AK9: variants seen among roughly 807,000 people sequenced by gnomAD.
AK9 encodes the protein adenylate kinase domain containing 1.
Under a neutral mutation model 239.6 loss-of-function variants are expected in AK9, and 191 were observed. The observed-to-expected ratio is 0.80, with a 90% CI of 0.71 to 0.90. AK9 has a LOEUF of 0.90. Ranked by LOEUF, AK9 falls within the 40% of genes least tolerant of loss-of-function variation. The pLI is 0.00. For missense variants in AK9, 1,995 were observed against 2,214.7 expected, an observed-to-expected ratio of 0.90 and a Z score of 1.99; for synonymous variants, 689 against 721.0, an observed-to-expected ratio of 0.96 and a Z score of 0.71.
chr6:109,539,082 C>T (rs914706092), intron 27 of AK9, among the ~76,000 whole-genome samples: 2 of 152,070 alleles, frequency 1.3e-5, no homozygotes, highest in South Asian at 4.1e-4. Flanking sequence ...AATTATGTGT[C>T]TTGGAGTTGC....
chr6:109,597,647 T>C (rs2128225029), intron 17 of AK9, among the ~76,000 whole-genome samples: 1 of 151,292 alleles, frequency 6.6e-6, no homozygotes, highest in South Asian at 2.1e-4. Flanking sequence ...CATTCCAGCC[T>C]GGGGGACAGA....
chr6:109,537,283 C>A (rs1409199938), intron 27 of AK9, among the ~76,000 whole-genome samples: 8 of 152,000 alleles, frequency 5.3e-5, no homozygotes, highest in African/African-American at 1.9e-4. Context: ...AATTTCAGAG[C>A]CTGTTATTGG....
chr6:109,602,926 G>A (rs781225551), intron 17 of AK9, among the ~76,000 whole-genome samples: 2 of 152,094 alleles, frequency 1.3e-5, no homozygotes, highest in Non-Finnish European at 2.9e-5. Flanking sequence ...GCTCCATCAG[G>A]TCCTCTAAGG....
chr6:109,608,585 A>G (rs1793206429), intron 17 of AK9, among the ~76,000 whole-genome samples: 1 of 152,184 alleles, frequency 6.6e-6, no homozygotes, highest in South Asian at 2.1e-4. Context: ...TTTCAAATGG[A>G]CCTTAGATCC....
chr6:109,545,211 G>C (rs1290004742), intron 26 of AK9, among the ~76,000 whole-genome samples: 1 of 152,124 alleles, frequency 6.6e-6, no homozygotes, highest in African/African-American at 2.4e-5. Flanking sequence ...AGGTCAAGGT[G>C]GGTAAATGGC....
intron 24 of AK9, among the ~76,000 whole-genome samples, chr6:109,557,031 G>A (rs1186616075): frequency 6.6e-6 from 1 of 152,040 alleles, no homozygotes; most frequent in African/African-American, 2.4e-5. Context: ...CCTTGGTGGA[G>A]AAACACTGCA....
At chr6:109,579,768 T>C (rs908679350) in intron 19 of AK9, 142 bp from the exon 20 acceptor site, 2 of 713,340 alleles carry the variant, frequency 2.8e-6, no homozygotes, top group Admixed American at 3.8e-5. Flanking sequence ...AAATTACTCA[T>C]GTTGAGACTA....
At chr6:109,677,628 T>A (rs1338984080) in intron 1 of AK9, among the ~76,000 whole-genome samples, 15 of 152,052 alleles carry the variant, frequency 9.9e-5, no homozygotes, top group Non-Finnish European at 2.9e-5. Flanking sequence ...TTAAAATTGG[T>A]GAATAAAAAA....
At chr6:109,635,526 C>G (rs1796609749) in intron 10 of AK9, among the ~76,000 whole-genome samples, 1 of 152,182 alleles carries the variant, frequency 6.6e-6, no homozygotes, top group African/African-American at 2.4e-5. Context: ...CAGAAGCATA[C>G]TTTCTGGAGC....
At chr6:109,639,954 G>A (rs747589086) in intron 10 of AK9, among the ~76,000 whole-genome samples, 1 of 152,162 alleles carries the variant, frequency 6.6e-6, no homozygotes, top group Non-Finnish European at 1.5e-5. Context: ...AGATCAGATG[G>A]TTGTAGATGT....
Position 109,675,763 on chromosome 6 carries a change from TAAAA to T in AK9, c.-11-11_-11-8del. ...GAAGTCATGACACAAAATACTACAATAAAAAAGGGTAAGATTGTTAACTTGTCTA... is the reference window on the plus strand; with the variant it reads ...GAAGTCATGACACAAAATACTACAATAAGGGTAAGATTGTTAACTTGTCTA... On this transcript the variant is annotated splice_region_variant and splice_polypyrimidine_tract_variant and intron_variant, in intron 1 of 40. Transcript: ENST00000424296. 5 of 1,460,350 alleles carry T rather than the reference TAAAA, an allele frequency of 3.4e-6. No individual in the cohort carries two copies. Among genetic ancestry groups the T allele is most frequent in the Non-Finnish European group, 3.8e-6 (4 of 1,065,438 alleles). The allele number at this position is 1,460,350 out of a possible 1,614,324, so 90.5% of individuals were successfully genotyped here. A position where few individuals can be genotyped will look rare whatever the true frequency, so the allele number is the denominator to read the frequency against.
intron 8 of AK9, among the ~76,000 whole-genome samples, chr6:109,654,598 T>C (rs1799431734): frequency 1.3e-5 from 2 of 152,176 alleles, no homozygotes; most frequent in African/African-American, 4.8e-5. Flanking sequence ...CCCAAAGAGC[T>C]AGGATTACAG....
rs59405869 is a variant in AK9 at position 109,621,893 on chromosome 6, TA to T, written c.1255-2658del. Among the ~76,000 whole-genome samples the T allele has an allele frequency of 5.0e-3, 279 of 55,510 alleles. 2 individuals carry two copies. Among genetic ancestry groups the T allele is most frequent in the African/African-American group, 0.018 (191 of 10,810 alleles). 36.4% of individuals were successfully genotyped at this position (55,510 alleles called of 152,430 possible). A position where few individuals can be genotyped will look rare whatever the true frequency, so the allele number is the denominator to read the frequency against. On this transcript the variant is annotated intron_variant, in intron 12 of 40. Coordinates refer to ENST00000424296, the MANE Select transcript of AK9 (RefSeq NM_001145128.3). The stretch of plus-strand genomic sequence containing the variant: ...TGTACCCTAAAACTTAAAGTATAAT[TA>T]AAAAAAAAAAAAAAAAAACAAAAAA...
chr6:109,652,350 A>C (rs1474609169), intron 8 of AK9, among the ~76,000 whole-genome samples: 1 of 142,196 alleles, frequency 7.0e-6, no homozygotes, highest in African/African-American at 2.5e-5. Flanking sequence ...AAAAAAATTC[A>C]ACAGCCTTCA....
At chr6:109,566,009 G>T (rs1786452040) in intron 21 of AK9, among the ~76,000 whole-genome samples, 1 of 151,952 alleles carries the variant, frequency 6.6e-6, no homozygotes, top group African/African-American at 2.4e-5. Context: ...GAAGAGAAAA[G>T]AACACCAAGA....
In AK9 at chr6:109,654,623, G is replaced by A. The variant is rs536335926; in HGVS notation, c.759+2133C>T. On this transcript the variant is annotated intron_variant, in intron 8 of 40. Transcript: ENST00000424296. ...TAGGATTACAGGCATGAGCCACCGCGCCCTGCCTGTTCTATATTTTTTACT... is the reference window on the plus strand; with the variant it reads ...TAGGATTACAGGCATGAGCCACCGCACCCTGCCTGTTCTATATTTTTTACT... Among the ~76,000 whole-genome samples the A allele has an allele frequency of 6.6e-5, 10 of 152,176 alleles. 1 individual carries two copies. The highest frequency in any genetic ancestry group is 1.4e-4 in the African/African-American group (6 of 41,532).
At chr6:109,647,214 A>G (rs9480986) in intron 8 of AK9, among the ~76,000 whole-genome samples, 88,592 of 152,058 alleles carry the variant, frequency 0.58, 27,495 homozygotes, top group East Asian at 0.84. Flanking sequence ...CATCATAATG[A>G]CAGGATCAAA....
At chr6:109,583,110 G>A (rs894644572) in intron 19 of AK9, among the ~76,000 whole-genome samples, 1 of 152,156 alleles carries the variant, frequency 6.6e-6, no homozygotes, top group African/African-American at 2.4e-5. Flanking sequence ...AAAAACTCAT[G>A]TGACTTGCTT....
At chr6:109,500,984 G>A (rs1405964000) in intron 35 of AK9, among the ~76,000 whole-genome samples, 5 of 138,824 alleles carry the variant, frequency 3.6e-5, no homozygotes, top group Non-Finnish European at 6.5e-5. Context: ...TCCAGGCTGG[G>A]CAACAGAGTG....
Sources: allele counts gnomAD v4.1 joint callset (sites outside exome capture counted in the v4.1 genomes callset), GRCh38; gene constraint gnomAD v4.1.1; transcripts MANE v1.5; gene names NCBI Gene and HGNC (gene_info 2026-07-23, HGNC 2026-07-21).